ITGA9: variants seen among roughly 807,000 people sequenced by gnomAD.
ITGA9 encodes the protein integrin alpha-9.
ITGA9 carries 56 observed loss-of-function variants against 127.8 expected under a neutral mutation model. The ratio of observed to expected loss-of-function variants is 0.44; its 90% CI spans 0.35 to 0.55. The LOEUF is 0.55. Among genes scored for constraint, ITGA9 ranks in the 20% least tolerant of loss-of-function variants. ITGA9 has a pLI of 0.00. For missense variants in ITGA9, 1,196 were observed against 1,347.1 expected (o/e 0.89, Z 1.76); for synonymous variants, 508 against 514.5 (o/e 0.99, Z 0.17).
intron 27 of ITGA9, among the ~76,000 whole-genome samples, chr3:37,815,054 T>C (rs1167879564): frequency 1.3e-5 from 2 of 152,002 alleles, no homozygotes; most frequent in Non-Finnish European, 2.9e-5. Flanking sequence ...GTGGGGGTGA[T>C]TTTCAGGCCT....
intron 22 of ITGA9, 81 bp downstream of exon 22, chr3:37,744,115 C>A: frequency 1.0e-6 from 1 of 959,346 alleles, no homozygotes; most frequent in Non-Finnish European, 1.7e-6. Flanking sequence ...GAGGGCTAAG[C>A]TCTTGTCAGG....
At chr3:37,815,334 C>T (rs1444088902) in intron 27 of ITGA9, among the ~76,000 whole-genome samples, 4 of 152,294 alleles carry the variant, frequency 2.6e-5, no homozygotes, top group Non-Finnish European at 5.9e-5. Flanking sequence ...TCAGGCCGGG[C>T]GCGGTGGCTC....
chr3:37,510,563 G>A (rs1579074282), intron 8 of ITGA9, among the ~76,000 whole-genome samples: 1 of 151,972 alleles, frequency 6.6e-6, no homozygotes. Context: ...AGTGGGTGGT[G>A]CAAGGAGGAT....
Position 37,627,090 on chromosome 3 carries a change from G to A in ITGA9, c.1690-2097G>A, listed in dbSNP as rs142020668. On this transcript the variant is annotated intron_variant, in intron 15 of 27. Transcript: ENST00000264741. ...GACATGAGTATCAAAGGTCTGCCCC[G>A]ATATCTGGAGTTCAAGAGGCGTTTT... Among the ~76,000 whole-genome samples the A allele has an allele frequency of 2.4e-3, 372 of 152,262 alleles. 3 individuals carry two copies. The highest frequency in any genetic ancestry group is 6.8e-3 in the Middle Eastern group (2 of 294).
intron 25 of ITGA9, among the ~76,000 whole-genome samples, chr3:37,780,976 C>T (rs1018729926): frequency 5.3e-5 from 8 of 152,174 alleles, no homozygotes; most frequent in Non-Finnish European, 7.3e-5. Context: ...AAGTGTGGTC[C>T]GAGGACCAGC....
chr3:37,662,118 G>A (rs1313116783), intron 17 of ITGA9, among the ~76,000 whole-genome samples: 1 of 152,090 alleles, frequency 6.6e-6, no homozygotes, highest in Non-Finnish European at 1.5e-5. Flanking sequence ...AATACAGCCA[G>A]GGGGCCAGGC....
rs1217741196 is a variant in ITGA9 at position 37,613,208 on chromosome 3, G to A, written c.1690-15979G>A. On this transcript the variant is annotated intron_variant, in intron 15 of 27. Transcript: ENST00000264741. ...AATTCCCACATATGAGTGAGAACAT[G>A]CGGTGTTTGGTTTTTTGTCCTTGCG... Among the ~76,000 whole-genome samples the A allele has an allele frequency of 2.0e-5, 3 of 149,760 alleles. No homozygotes were observed. In the South Asian group the frequency reaches 6.3e-4, roughly 32 times the overall value.
At chr3:37,698,986 C>T (rs952341511) in intron 18 of ITGA9, among the ~76,000 whole-genome samples, 1 of 152,218 alleles carries the variant, frequency 6.6e-6, no homozygotes, top group African/African-American at 2.4e-5. Flanking sequence ...AAGTCTTCTG[C>T]ACTCCCTTCT....
chr3:37,504,100 T>C (rs2003330), intron 6 of ITGA9, among the ~76,000 whole-genome samples: 2,050 of 152,280 alleles, frequency 0.013, 32 homozygotes, highest in African/African-American at 0.037. Flanking sequence ...TCTTGTTAAA[T>C]GGGGTTAGGG....
Position 37,629,222 on chromosome 3 carries a change from T to A in ITGA9, c.1725T>A (p.Phe575Leu), listed in dbSNP as rs774947235. 1 of 1,613,420 alleles carries A rather than the reference T, an allele frequency of 6.2e-7. No individual in the cohort carries two copies. Among genetic ancestry groups the A allele is most frequent in the African/African-American group, 1.3e-5 (1 of 74,874 alleles). ...RVQDVISPIV[F>L]EAAYSLSEHV... is the part of the protein sequence containing the mutation. Reference sequence around the variant, plus strand: ...AGGACGTCATCAGCCCGATCGTGTTTGAAGCAGCCTACAGCCTCAGTGAGC... The same window carrying A: ...AGGACGTCATCAGCCCGATCGTGTTAGAAGCAGCCTACAGCCTCAGTGAGC... The change falls in exon 16 of 28, where the codon TTT (phenylalanine) becomes TTA (leucine). Residue 575 changes from phenylalanine (F) to leucine (L), a missense_variant. By Grantham distance (22) the Phe-to-Leu change is conservative. Transcript: ENST00000264741. The surrounding 1 kb of genome is among the most constrained non-coding windows in gnomAD (Gnocchi z 4.5).
chr3:37,683,742 G>A (rs1240417948), intron 17 of ITGA9, 123 bp from the exon 18 acceptor site: 6 of 957,600 alleles, frequency 6.3e-6, no homozygotes, highest in South Asian at 1.4e-5. Context: ...GCTAGTTAAT[G>A]GGGCTCCTGG....
At chr3:37,510,066 AT>A (rs1698886144) in intron 8 of ITGA9, among the ~76,000 whole-genome samples, 1 of 141,562 alleles carries the variant, frequency 7.1e-6, no homozygotes, top group Admixed American at 7.5e-5. Context: ...CTATGGCATG[AT>A]CTTGGTTCAC....
At chr3:37,785,277 T>C (rs1003960705) in intron 26 of ITGA9, among the ~76,000 whole-genome samples, 199 bp downstream of exon 26, 3 of 152,204 alleles carry the variant, frequency 2.0e-5, no homozygotes, top group African/African-American at 7.2e-5. Flanking sequence ...GATAGCATTG[T>C]CCTTTAGGAT....
rs566225978 is a variant in ITGA9 at position 37,597,743 on chromosome 3, G to A, written c.1690-31444G>A. Among the ~76,000 whole-genome samples the A allele has an allele frequency of 2.0e-4, 30 of 152,356 alleles. No individual in the cohort carries two copies. In the South Asian group the frequency reaches 3.9e-3, roughly 20 times the overall value. ...AAACTTCAGTGGCATACAATACAAA[G>A]CATATAGTTTGTGCAGCTGGGATTA... On this transcript the variant is annotated intron_variant, in intron 15 of 27. Coordinates refer to ENST00000264741, the MANE Select transcript of ITGA9 (RefSeq NM_002207.3). The surrounding 1 kb of genome is among the most constrained non-coding windows in gnomAD (Gnocchi z 4.6).
At chr3:37,501,434 A>T (rs1052603846) in intron 5 of ITGA9, among the ~76,000 whole-genome samples, 2 of 152,194 alleles carry the variant, frequency 1.3e-5, no homozygotes, top group Non-Finnish European at 2.9e-5. Context: ...ATTATTAATT[A>T]AAAAAATTAA....
intron 15 of ITGA9, among the ~76,000 whole-genome samples, chr3:37,550,321 C>G (rs1047928179): frequency 2.0e-5 from 3 of 152,208 alleles, no homozygotes; most frequent in Admixed American, 6.5e-5. Flanking sequence ...AGGCTATGAA[C>G]TAGTGAGAGA....
Position 37,529,650 on chromosome 3 carries a change from C to T in ITGA9, c.1373+3579C>T, listed in dbSNP as rs147412542. ...TTTCTGGTCTCCCAAGTCCCTTACC[C>T]TCTTGGAAGAGATCAGAGGTGGTCA... is the stretch of plus-strand genomic sequence containing the variant. On this transcript the variant is annotated intron_variant, in intron 13 of 27. Transcript: ENST00000264741. Among the ~76,000 whole-genome samples, 569 of 152,338 alleles carry T rather than the reference C, an allele frequency of 3.7e-3. 2 individuals carry two copies. The highest frequency in any genetic ancestry group is 0.013 in the African/African-American group (536 of 41,574).
chr3:37,628,928 A>G (rs1002332585), intron 15 of ITGA9, among the ~76,000 whole-genome samples: 10 of 152,214 alleles, frequency 6.6e-5, no homozygotes, highest in African/African-American at 2.4e-4. Flanking sequence ...CATATGCTCA[A>G]GAGAAGATGA....
At chr3:37,463,653 G>A (rs566300693) in intron 1 of ITGA9, among the ~76,000 whole-genome samples, 1 of 152,264 alleles carries the variant, frequency 6.6e-6, no homozygotes, top group African/African-American at 2.4e-5. Context: ...ATCAAGAGGA[G>A]GCAGAAACAC....
Sources: allele counts gnomAD v4.1 joint callset (sites outside exome capture counted in the v4.1 genomes callset), GRCh38; gene constraint gnomAD v4.1.1; non-coding constraint Gnocchi (gnomAD v3.1); transcripts MANE v1.5; gene names NCBI Gene and HGNC (gene_info 2026-07-23, HGNC 2026-07-21).